UVSSA: variants seen among roughly 807,000 people sequenced by gnomAD.
UVSSA encodes UV-stimulated scaffold protein A.
Under a neutral mutation model 73.9 loss-of-function variants are expected in UVSSA, and 72 were observed. The ratio of observed to expected loss-of-function variants is 0.97; its 90% CI spans 0.81 to 1.19. The LOEUF (loss-of-function observed/expected upper bound fraction) is 1.19. UVSSA is among the 50% of genes most tolerant of loss of function. The probability of loss-of-function intolerance (pLI) is 0.00; values close to 1 mark genes in which losing one functional copy is unlikely to be tolerated. For missense variants in UVSSA, 1,150 were observed against 965.0 expected, an observed-to-expected ratio of 1.19 and a Z score of -2.54; for synonymous variants, 454 against 391.3, an observed-to-expected ratio of 1.16 and a Z score of -1.89.
At chr4:1,349,962 C>G in intron 3 of UVSSA, 108 bp downstream of exon 3, 1 of 1,106,048 alleles carries the variant, frequency 9.0e-7, no homozygotes, top group Non-Finnish European at 1.2e-6. Context: ...CAGCAGGGGC[C>G]TGCTTGGCCT....
At chr4:1,348,031 A>G in intron 1 of UVSSA, 59 bp from the exon 2 acceptor site, 1 of 1,413,246 alleles carries the variant, frequency 7.1e-7, no homozygotes, top group Non-Finnish European at 9.9e-7. Flanking sequence ...CACGTTAATA[A>G]CACCGAGAGC....
chr4:1,378,902 C>T (rs1270429978), intron 10 of UVSSA, among the ~76,000 whole-genome samples: 1 of 152,260 alleles, frequency 6.6e-6, no homozygotes, highest in Admixed American at 6.5e-5. Flanking sequence ...CCCTGGGCAG[C>T]ACATTCTGCC....
At chr4:1,394,302 C>T (rs534435032) in exon 14 of UVSSA, 60 of 925,574 alleles carry the variant, frequency 6.5e-5, no homozygotes, top group Admixed American at 4.9e-4. Flanking sequence ...ATCAATCTTT[C>T]TTGGCTTCTA....
In UVSSA at chr4:1,353,336, A is replaced by G. The variant is rs1477980210; in HGVS notation, c.857A>G (p.Asp286Gly). 6.2e-7 allele frequency: 1 copy of G among 1,611,480 alleles called. No homozygotes were observed. Among genetic ancestry groups the G allele is most frequent in the Non-Finnish European group, 8.5e-7 (1 of 1,179,626 alleles). Residue 286 changes from aspartate (D) to glycine (G), a missense_variant, in exon 5 of 14, where the codon GAC becomes GGC. Physicochemically the swap from Asp to Gly is moderately conservative, Grantham distance 94. Coordinates refer to ENST00000389851, the MANE Select transcript of UVSSA (RefSeq NM_020894.4). ...ATGDPSDEDEDSDLEEFVRSH... is the reference protein window; with the variant it reads ...ATGDPSDEDEGSDLEEFVRSH... ...GGTGACCCCTCAGATGAGGACGAGGACAGCGACCTCGAGGAGTTTGTGCGG... is the reference window on the plus strand; with the variant it reads ...GGTGACCCCTCAGATGAGGACGAGGGCAGCGACCTCGAGGAGTTTGTGCGG...
At chr4:1,355,574 T>C (rs186611509) in intron 7 of UVSSA, among the ~76,000 whole-genome samples, 12 of 152,286 alleles carry the variant, frequency 7.9e-5, no homozygotes, top group African/African-American at 2.9e-4. Context: ...TCATCAGCAG[T>C]GCGGCACCTG....
chr4:1,380,761 T>G, intron 11 of UVSSA, 119 bp from the exon 12 acceptor site: 1 of 1,572,666 alleles, frequency 6.4e-7, no homozygotes, highest in Non-Finnish European at 8.6e-7. Context: ...GTGTACACTT[T>G]GGCTCTGTGA....
chr4:1,349,103 T>TGCCGGGCGGTGGGCGTTTG (rs1560416700), intron 2 of UVSSA, among the ~76,000 whole-genome samples: 2 of 50,054 alleles, frequency 4.0e-5, no homozygotes, highest in Non-Finnish European at 1.1e-4. Context: ...GCGGTGTGTG[T>TGCCGGGCGGTGGGCGTTTG]TGCGCTAGGT....
intron 8 of UVSSA, among the ~76,000 whole-genome samples, chr4:1,371,530 T>C (rs1285194209): frequency 1.3e-5 from 2 of 152,154 alleles, no homozygotes; most frequent in African/African-American, 4.8e-5. Context: ...AGGACATACC[T>C]GAGACTGGGC....
At chr4:1,342,424 G>A (rs567512405), upstream of UVSSA, among the ~76,000 whole-genome samples, 1 of 152,170 alleles carries the variant, frequency 6.6e-6, no homozygotes, top group South Asian at 2.1e-4. Context: ...TGATTTGTAG[G>A]GATTCCTCAC....
At chr4:1,357,016 G>A (rs2096741383) in intron 7 of UVSSA, 1 of 152,690 alleles carries the variant, frequency 6.5e-6, no homozygotes, top group South Asian at 2.0e-4. Context: ...GAGCAGAGCG[G>A]GGCTGATGGG....
intron 7 of UVSSA, among the ~76,000 whole-genome samples, chr4:1,358,763 A>G (rs1716178176): frequency 6.6e-6 from 1 of 152,256 alleles, no homozygotes; most frequent in African/African-American, 2.4e-5. Context: ...AATAAAATTT[A>G]CAGAGGGTTT....
At chr4:1,384,647 C>T (rs1021735007) in intron 13 of UVSSA, 3 of 152,318 alleles carry the variant, frequency 2.0e-5, no homozygotes, top group Admixed American at 6.5e-5. Context: ...CTGTTGACTC[C>T]CTCCCAAATC....
chr4:1,348,391 T>C (rs1714071158), intron 2 of UVSSA, among the ~76,000 whole-genome samples: 2 of 152,344 alleles, frequency 1.3e-5, no homozygotes, highest in South Asian at 4.1e-4. Context: ...ACCCCACTGC[T>C]CTGTGGTTGG....
intron 13 of UVSSA, chr4:1,385,233 C>G (rs1247985523): frequency 1.3e-5 from 2 of 153,954 alleles, no homozygotes; most frequent in Non-Finnish European, 2.9e-5. Context: ...AAAACCCTGC[C>G]TCGAGGGGCC....
intron 4 of UVSSA, 90 bp downstream of exon 4, chr4:1,351,925 G>A (rs1311637453): frequency 1.9e-5 from 30 of 1,548,884 alleles, no homozygotes; most frequent in South Asian, 1.9e-4. Flanking sequence ...GGCCCCAGCC[G>A]CAAGGAACCC....
chr4:1,385,882 G>C lies in UVSSA; in HGVS notation c.2051G>C (p.Arg684Thr), dbSNP rs540349966. The C allele has an allele frequency of 1.1e-5, 17 of 1,614,106 alleles. No individual in the cohort carries two copies. The South Asian group carries it at 1.6e-4, about 16-fold the overall frequency. ...RKVFAKAAVRRVVAAMNRMDQ... is the reference protein window; with the variant it reads ...RKVFAKAAVRTVVAAMNRMDQ... ...TTTCCCCACAGGGCAGCTGTGCGGA[G>C]GGTAGTGGCAGCCATGAACCGGATG... The change falls in exon 14 of 14, where the codon AGG (arginine) becomes ACG (threonine). Residue 684 changes from arginine to threonine, a missense_variant. Physicochemically the swap from Arg to Thr is moderately conservative, Grantham distance 71. Transcript: ENST00000389851.
intron 13 of UVSSA, 149 bp from the exon 14 acceptor site, chr4:1,385,719 C>T: frequency 1.3e-6 from 1 of 769,082 alleles, no homozygotes; most frequent in South Asian, 1.6e-5. Context: ...GCCCATCTGT[C>T]TCTGAAGGTG....
chr4:1,371,113 A>G (rs1302381654), intron 8 of UVSSA, among the ~76,000 whole-genome samples: 3 of 152,286 alleles, frequency 2.0e-5, no homozygotes, highest in African/African-American at 7.2e-5. Flanking sequence ...TGGTGAGCAC[A>G]TGTGTGTTCA....
chr4:1,351,570 TA>T, intron 3 of UVSSA, 144 bp from the exon 4 acceptor site: 1 of 805,714 alleles, frequency 1.2e-6, no homozygotes, highest in South Asian at 1.8e-5. Context: ...TTTGTATTTT[TA>T]GTAGAGATGG....
Sources: gnomAD v4.1 joint callset for allele counts (sites outside exome capture counted in the v4.1 genomes callset) on GRCh38, gnomAD v4.1.1 for gene constraint, MANE v1.5 for transcripts, NCBI Gene and HGNC (gene_info 2026-07-23, HGNC 2026-07-21) for gene names.